LIFR: variants seen among roughly 807,000 people sequenced by gnomAD.
The protein encoded by LIFR is leukemia inhibitory factor receptor.
LIFR carries 84 observed loss-of-function variants against 122.2 expected under a neutral mutation model. That is an observed-to-expected ratio of 0.69 (90% CI 0.58 to 0.82). LIFR has a LOEUF of 0.82. LIFR is among the 40% of genes least tolerant of loss of function. The pLI, the probability that LIFR is intolerant of heterozygous loss-of-function variation, is 0.00. For missense variants in LIFR, 1,294 were observed against 1,311.6 expected, an observed-to-expected ratio of 0.99 and a Z score of 0.21; for synonymous variants, 422 against 434.7, an observed-to-expected ratio of 0.97 and a Z score of 0.36.
chr5:38,505,866 T>C, intron 9 of LIFR, 39 bp downstream of exon 9: 1 of 1,419,218 alleles, frequency 7.0e-7, no homozygotes, highest in Non-Finnish European at 9.7e-7. Context: ...TCACCACTTT[T>C]AAAGTTATTT....
chr5:38,563,778 G>A (rs1366116641), intron 1 of LIFR, among the ~76,000 whole-genome samples: 3 of 152,114 alleles, frequency 2.0e-5, no homozygotes, highest in African/African-American at 7.2e-5. Context: ...AAGGCCACAC[G>A]GTTACTGACA....
At chr5:38,568,085 T>C (rs539620309) in intron 1 of LIFR, among the ~76,000 whole-genome samples, 1 of 152,242 alleles carries the variant, frequency 6.6e-6, no homozygotes, top group South Asian at 2.1e-4. Context: ...GTACAAATTA[T>C]GTGCCTGACC....
upstream of LIFR, chr5:38,559,312 G>A (rs2112687516): frequency 1.3e-5 from 2 of 152,328 alleles, no homozygotes; most frequent in South Asian, 4.1e-4. Flanking sequence ...CAAAGCAAGA[G>A]CTTTAAAAAT....
In LIFR at chr5:38,490,311, G is replaced by C. The variant is rs547930732; in HGVS notation, c.2066-20C>G. On this transcript the variant is annotated intron_variant, in intron 14 of 19. Coordinates refer to ENST00000453190, the MANE Select transcript of LIFR (RefSeq NM_001127671.2). Reference sequence around the variant, plus strand: ...ACTCATCTATAGGATGAACATATCAGCAAACTTTCATAAATATATTACTAT... The same window carrying C: ...ACTCATCTATAGGATGAACATATCACCAAACTTTCATAAATATATTACTAT... The C allele has an allele frequency of 4.4e-5, 48 of 1,081,010 alleles. No homozygotes were observed. The highest frequency in any genetic ancestry group is 7.0e-5 in the Admixed American group (4 of 56,924). The allele number at this position is 1,081,010 out of a possible 1,614,324, so 67.0% of individuals were successfully genotyped here.
chr5:38,529,561 A>C (rs1361035076), intron 2 of LIFR, among the ~76,000 whole-genome samples: 1 of 152,184 alleles, frequency 6.6e-6, no homozygotes, highest in African/African-American at 2.4e-5. Context: ...CTATAAAATA[A>C]CATTACACCA....
chr5:38,594,823 A>G (rs557614014), intron 1 of LIFR: 4 of 189,906 alleles, frequency 2.1e-5, no homozygotes, highest in Non-Finnish European at 3.3e-5. Flanking sequence ...AAGCGAAACA[A>G]TGTACCTTCC....
chr5:38,539,661 GT>G (rs1359252728), intron 1 of LIFR, among the ~76,000 whole-genome samples: 1 of 151,632 alleles, frequency 6.6e-6, no homozygotes, highest in Non-Finnish European at 1.5e-5. Context: ...TCAAATTGAA[GT>G]TTTTTTGGTT....
rs1330258000 is a variant in LIFR at position 38,593,546 on chromosome 5, C to A, written c.-20+1715G>T. Among the ~76,000 whole-genome samples the A allele has an allele frequency of 5.3e-5, 8 of 152,120 alleles. No individual in the cohort carries two copies. In the East Asian group the frequency reaches 1.5e-3, roughly 29 times the overall value. On this transcript the variant is annotated intron_variant, in intron 1 of 19. Coordinates refer to the LIFR transcript ENST00000263409. ...TTGCAGAAAATGCTTTCAGACAGGG[C>A]TGACATAGAAGATGCATCAGAGAAG...
intron 1 of LIFR, among the ~76,000 whole-genome samples, chr5:38,567,526 A>ATTTATTTG (rs1255830904): frequency 2.0e-5 from 3 of 147,850 alleles, no homozygotes; most frequent in Non-Finnish European, 4.5e-5. Context: ...TTATTTATTT[A>ATTTATTTG]TTTATTTATT....
rs925331003 is a variant in LIFR, at chr5:38,479,505, G to C, written c.*2090C>G. On this transcript the variant is annotated 3_prime_UTR_variant, in exon 20 of 20. Coordinates refer to ENST00000453190, the MANE Select transcript of LIFR (RefSeq NM_001127671.2). ...GGATCCAGATGGTCACAGTTGAAAT[G>C]CATATATATTGACAGACAGAGATCA... is the stretch of plus-strand genomic sequence containing the variant. 2 of 231,132 alleles carry C rather than the reference G, an allele frequency of 8.7e-6. No individual in the cohort carries two copies. The highest frequency in any genetic ancestry group is 4.4e-5 in the African/African-American group (2 of 45,230). 14.3% of individuals were successfully genotyped at this position (231,132 alleles called of 1,614,324 possible).
At chr5:38,603,553 TA>T (rs1394570025) in intron 2 of LIFR, among the ~76,000 whole-genome samples, 2 of 152,168 alleles carry the variant, frequency 1.3e-5, no homozygotes, top group Admixed American at 6.5e-5. Context: ...AGCAGATCCT[TA>T]CAACGTATGT....
intron 2 of LIFR, 37 bp from the exon 3 acceptor site, chr5:38,528,877 CAGACACACAT>C (rs1561180207): frequency 2.5e-6 from 1 of 393,328 alleles, no homozygotes. Flanking sequence ...CACACACACA[CAGACACACAT>C]AAACACAGAA....
intron 3 of LIFR, among the ~76,000 whole-genome samples, 199 bp from the exon 4 acceptor site, chr5:38,527,493 C>G (rs1364849758): frequency 6.6e-6 from 1 of 152,192 alleles, no homozygotes; most frequent in African/African-American, 2.4e-5. Context: ...AAAACAACCT[C>G]ATTGTACCAA....
At chr5:38,599,676 T>A (rs548515908), upstream of LIFR, among the ~76,000 whole-genome samples, 286 of 152,324 alleles carry the variant, frequency 1.9e-3, 1 homozygote, top group African/African-American at 6.6e-3. Flanking sequence ...TCAATTAGTT[T>A]ACAGACTCCT....
intron 18 of LIFR, among the ~76,000 whole-genome samples, chr5:38,483,367 CCTT>C (rs1376565223): frequency 1.3e-5 from 2 of 151,974 alleles, no homozygotes; most frequent in Middle Eastern, 3.2e-3. Flanking sequence ...TTCTAAACTC[CCTT>C]CTTATTTTGT....
chr5:38,534,237 T>C (rs1245368690), intron 1 of LIFR, among the ~76,000 whole-genome samples: 4 of 152,116 alleles, frequency 2.6e-5, no homozygotes, highest in African/African-American at 9.6e-5. Context: ...AGATCTTAAA[T>C]TCCTCCAGCA....
intron 1 of LIFR, among the ~76,000 whole-genome samples, chr5:38,594,153 C>G (rs1750021271): frequency 6.6e-6 from 1 of 152,038 alleles, no homozygotes; most frequent in Non-Finnish European, 1.5e-5. Context: ...AATGGTGTTC[C>G]TCTGGGCAGA....
chr5:38,565,430 G>A (rs1333858108), intron 1 of LIFR, among the ~76,000 whole-genome samples: 4 of 152,044 alleles, frequency 2.6e-5, no homozygotes, highest in Non-Finnish European at 2.9e-5. Flanking sequence ...ATAAAGTCCC[G>A]GATGGTGACA....
upstream of LIFR, chr5:38,557,302 CT>C (rs746083675): frequency 2.0e-5 from 3 of 152,380 alleles, no homozygotes; most frequent in Admixed American, 2.0e-4. Context: ...AAACGGATCT[CT>C]TAATGGGGTG....
Sources: allele counts gnomAD v4.1 joint callset (sites outside exome capture counted in the v4.1 genomes callset), GRCh38; gene constraint gnomAD v4.1.1; transcripts MANE v1.5; gene names NCBI Gene and HGNC (gene_info 2026-07-23, HGNC 2026-07-21).